SART1: variants seen among roughly 807,000 people sequenced by gnomAD.
SART1 encodes spliceosome associated factor 1, recruiter of U4/U6.U5 tri-snRNP, also known as U4/U6.U5 tri-snRNP-associated protein 1.
In SART1, 28 loss-of-function variants were observed where a neutral mutation model predicts 105.0. The observed-to-expected ratio is 0.27, with a 90% confidence interval of 0.20 to 0.37. The LOEUF (loss-of-function observed/expected upper bound fraction) is 0.37, where lower values mean the gene tolerates loss of function less well. SART1 is among the 10% of genes least tolerant of loss of function. The probability of loss-of-function intolerance (pLI) is 1.00; values close to 1 mark genes in which losing one functional copy is unlikely to be tolerated. For synonymous variants in SART1, 472 were observed against 462.9 expected, an observed-to-expected ratio of 1.02 and a Z score of -0.25; for missense variants, 894 against 1,106.5, an observed-to-expected ratio of 0.81 and a Z score of 2.72.
intron 1 of SART1, among the ~76,000 whole-genome samples, chr11:65,963,838 A>T (rs1376332818): frequency 1.3e-5 from 2 of 152,204 alleles, no homozygotes; most frequent in African/African-American, 4.8e-5. Context: ...TGACTACAGC[A>T]GTTTGGATGT....
chr11:65,967,924 C>A, intron 12 of SART1, 103 bp downstream of exon 12: 8 of 943,876 alleles, frequency 8.5e-6, no homozygotes, highest in South Asian at 2.4e-5. Flanking sequence ...GCCTCTTTTC[C>A]ATTTGTTTTT....
At chr11:65,968,618 T>A (rs1855309958) in intron 12 of SART1, among the ~76,000 whole-genome samples, 1 of 152,012 alleles carries the variant, frequency 6.6e-6, no homozygotes, top group Non-Finnish European at 1.5e-5. Context: ...GAGACTTGAG[T>A]CACACAGAGG....
Position 65,976,861 on chromosome 11 carries a change from A to C in SART1, c.1857+95A>C, listed in dbSNP as rs111899187. ...GTCCAGAGCCTCAGCCTCCTCATCC[A>C]GAGTGGGCTCTGCAGACCTCCCAGG... On this transcript the variant is annotated intron_variant, in intron 14 of 19. Coordinates refer to ENST00000312397, the MANE Select transcript of SART1 (RefSeq NM_005146.5). The surrounding 1 kb of genome is among the most constrained non-coding windows in gnomAD (Gnocchi z 5.1). The C allele has an allele frequency of 4.1e-6, 5 of 1,204,828 alleles. No individual in the cohort carries two copies. Among genetic ancestry groups the C allele is most frequent in the Admixed American group, 4.1e-5 (2 of 49,168 alleles). The allele number at this position is 1,204,828 out of a possible 1,614,324, so 74.6% of individuals were successfully genotyped here.
chr11:65,974,872 GA>G (rs1008934244), intron 12 of SART1, among the ~76,000 whole-genome samples: 1 of 150,902 alleles, frequency 6.6e-6, no homozygotes, highest in Non-Finnish European at 1.5e-5. Flanking sequence ...CATCTCTACT[GA>G]AAAAAAATAC....
chr11:65,965,273 T>A (rs1855225077), intron 4 of SART1, 55 bp downstream of exon 4: 7 of 1,606,836 alleles, frequency 4.4e-6, no homozygotes, highest in Non-Finnish European at 6.0e-6. Context: ...CCACCATCCT[T>A]GGCTGCCTCT....
rs1168065913 is a variant in SART1, at chr11:65,964,552, G to A, written c.409G>A (p.Val137Ile). ...AAAGTTGGGGCTGAAACCCTTGGAG[G>A]TTAATGCCATCAAGAAGGGTGAGTA... Reference protein sequence around the residue: ...RAKLGLKPLEVNAIKKEAGTK... With the variant: ...RAKLGLKPLEINAIKKEAGTK... Residue 137 changes from valine (V) to isoleucine (I), a missense_variant, in exon 3 of 20, where the codon GTT becomes ATT. Transcript: ENST00000312397. The A allele has an allele frequency of 1.2e-6, 2 of 1,611,434 alleles. No homozygotes were observed. The highest frequency in any genetic ancestry group is 1.7e-6 in the Non-Finnish European group (2 of 1,179,312).
intron 8 of SART1, 61 bp downstream of exon 8, chr11:65,966,279 C>T (rs781471797): frequency 8.1e-6 from 13 of 1,613,610 alleles, no homozygotes; most frequent in Non-Finnish European, 1.1e-5. Context: ...AATGGGGGCT[C>T]TGAGGAGGTG....
chr11:65,973,266 A>G (rs1249667825), intron 12 of SART1, among the ~76,000 whole-genome samples: 1 of 152,188 alleles, frequency 6.6e-6, no homozygotes, highest in Non-Finnish European at 1.5e-5. Context: ...CAAAAAGAGA[A>G]GATATTTGCC....
At chr11:65,965,566 G>A (rs539560282) in intron 5 of SART1, 119 bp downstream of exon 5, 70 of 1,313,870 alleles carry the variant, frequency 5.3e-5, no homozygotes, top group Admixed American at 1.9e-4. Context: ...GGCCGTGGTC[G>A]GTAGCATCTA....
At chr11:65,965,839 G>A in intron 6 of SART1, 48 bp from the exon 7 acceptor site, 1 of 1,613,614 alleles carries the variant, frequency 6.2e-7, no homozygotes, top group Non-Finnish European at 8.5e-7. Flanking sequence ...GGAATCCCGA[G>A]GTTGGGTGCG....
At chr11:65,962,789 A>G (rs1489339831) in intron 1 of SART1, among the ~76,000 whole-genome samples, 1 of 152,238 alleles carries the variant, frequency 6.6e-6, no homozygotes, top group Non-Finnish European at 1.5e-5. Context: ...GCACCAAGGC[A>G]GCAGCAGTGG....
chr11:65,977,933 C>T (rs1283169762), intron 17 of SART1, 34 bp downstream of exon 17: 1 of 1,593,676 alleles, frequency 6.3e-7, no homozygotes, highest in Admixed American at 1.8e-5. Context: ...GAGGCCCGGC[C>T]TGCCACAGGG....
At chr11:65,966,608 G>T (rs1435841503) in intron 9 of SART1, 52 bp downstream of exon 9, 3 of 1,438,660 alleles carry the variant, frequency 2.1e-6, no homozygotes, top group South Asian at 2.9e-5. Flanking sequence ...CTCCCTCTGG[G>T]GCTCCTGCCC....
chr11:65,975,101 CTTTTT>C (rs549348095), intron 12 of SART1, among the ~76,000 whole-genome samples: 3 of 128,144 alleles, frequency 2.3e-5, no homozygotes, highest in Non-Finnish European at 3.3e-5. Context: ...TCCTGGAAGA[CTTTTT>C]TTTTTTTTTT....
intron 3 of SART1, 169 bp from the exon 4 acceptor site, chr11:65,964,923 G>C: frequency 1.2e-6 from 1 of 826,786 alleles, no homozygotes; most frequent in Non-Finnish European, 1.8e-6. Flanking sequence ...GTGCTGCATG[G>C]GTTGGCCAGG....
chr11:65,976,350 A>G lies in SART1; in HGVS notation c.1573-45A>G, dbSNP rs201519291. ...TAGGTTCCTGGGTCTCAATGGCATC[A>G]CCCCAGAAACTGCTGGGTTTGCCCA... On this transcript the variant is annotated intron_variant, in intron 12 of 19. Transcript: ENST00000312397. This position sits in a 1 kb window ranked among gnomAD's most constrained non-coding sequence, Gnocchi z 5.1. 6.8e-6 allele frequency: 10 copies of G among 1,472,232 alleles called. No homozygotes were observed. The Admixed American group carries it at 2.4e-4, about 36-fold the overall frequency. The allele number at this position is 1,472,232 out of a possible 1,614,324, so 91.2% of individuals were successfully genotyped here.
Position 65,979,980 on chromosome 11 carries a change from G to T in SART1, c.*950G>T, listed in dbSNP as rs1008852828. On this transcript the variant is annotated 3_prime_UTR_variant, in exon 20 of 20. Transcript: ENST00000312397. ...ATACAAAGATTAGCCAGGCGTGGTG[G>T]TGAGCGCCTGTAGTCCCAGCTACTT... Among the ~76,000 whole-genome samples the T allele has an allele frequency of 2.6e-5, 4 of 152,086 alleles. No individual in the cohort carries two copies. The highest frequency in any genetic ancestry group is 9.7e-5 in the African/African-American group (4 of 41,432).
At chr11:65,967,411 G>C (rs1855281541) in intron 10 of SART1, 28 bp downstream of exon 10, 6 of 1,613,940 alleles carry the variant, frequency 3.7e-6, no homozygotes, top group Non-Finnish European at 4.2e-6. Context: ...GGTGGGGCGA[G>C]ATGGCTGGGC....
rs1171988451 is a variant in SART1 at position 65,965,217 on chromosome 11, G to A, written c.553G>A (p.Gly185Arg). 6.2e-7 allele frequency: 1 copy of A among 1,605,864 alleles called. No individual in the cohort carries two copies. The highest frequency in any genetic ancestry group is 1.3e-5 in the African/African-American group (1 of 74,150). The part of the protein sequence containing the change: ...KEKRLLNQKL[G>R]KIKTLGEDDP... ...GAAGCGCCTGCTGAACCAAAAGCTG[G>A]GGTGAGGGGTCCTGGCCAGGGCAGG... Residue 185 changes from glycine (G) to arginine (R), a missense_variant and splice_region_variant, in exon 4 of 20, where the codon GGG becomes AGG. Physicochemically the swap from Gly to Arg is moderately radical, Grantham distance 125. Around this residue, in one of 2 missense-constraint regions of SART1, gnomAD observed 712 missense variants for 778.2 expected, o/e 0.91. Transcript: ENST00000312397.
Sources: allele counts gnomAD v4.1 joint callset (sites outside exome capture counted in the v4.1 genomes callset), GRCh38; gene constraint gnomAD v4.1.1; regional missense constraint gnomAD v4.1.1; non-coding constraint Gnocchi (gnomAD v3.1); transcripts MANE v1.5; gene names NCBI Gene and HGNC (gene_info 2026-07-23, HGNC 2026-07-21).